The following IFT172 variants were observed in gnomAD, a reference collection of about 807,000 sequenced individuals.
IFT172 encodes intraflagellar transport 172.
Under a neutral mutation model 248.9 loss-of-function variants are expected in IFT172, and 164 were observed. The observed-to-expected ratio is 0.66, with a 90% CI of 0.58 to 0.75. The LOEUF is 0.75. Among genes scored for constraint, IFT172 ranks in the 30% least tolerant of loss-of-function variants. The probability of loss-of-function intolerance (pLI) is 0.00; values close to 1 mark genes in which losing one functional copy is unlikely to be tolerated. For missense variants in IFT172, 1,950 were observed against 2,192.4 expected, an observed-to-expected ratio of 0.89 and a Z score of 2.21; for synonymous variants, 729 against 791.6, an observed-to-expected ratio of 0.92 and a Z score of 1.33.
intron 14 of IFT172, among the ~76,000 whole-genome samples, chr2:27,475,128 AAT>A (rs1294476062): frequency 7.9e-5 from 12 of 152,268 alleles, no homozygotes; most frequent in Non-Finnish European, 1.5e-4. Context: ...ATATGAAATT[AAT>A]ATGAGATCTA....
Position 27,478,116 on chromosome 2 carries a change from A to T in IFT172, c.1046T>A (p.Leu349His), listed in dbSNP as rs775160257. Residue 349 changes from leucine (L) to histidine (H), a missense_variant, in exon 11 of 48, where the codon CTC becomes CAC. Transcript: ENST00000260570. ...KNLSSGTRVV[L>H]KSHYGYEVEE... Reference sequence around the variant, plus strand: ...CACCTCATAGCCATAGTGTGACTTGAGCACCACTCGGGTTCCTGATGACAG... The same window carrying T: ...CACCTCATAGCCATAGTGTGACTTGTGCACCACTCGGGTTCCTGATGACAG... 4.3e-6 allele frequency: 7 copies of T among 1,614,030 alleles called. No individual in the cohort carries two copies. The highest frequency in any genetic ancestry group is 5.9e-6 in the Non-Finnish European group (7 of 1,180,028).
intron 16 of IFT172, 152 bp from the exon 17 acceptor site, chr2:27,466,034 A>T (rs1371175641): frequency 2.4e-6 from 2 of 828,030 alleles, no homozygotes; most frequent in African/African-American, 3.4e-5. Context: ...TCTCAAGCAT[A>T]AAAAAATACT....
rs747711159 is a variant in IFT172 at position 27,458,132 on chromosome 2, G to A, written c.2969C>T (p.Ala990Val). 28 of 1,613,986 alleles carry A rather than the reference G, an allele frequency of 1.7e-5. No individual in the cohort carries two copies. Among genetic ancestry groups the A allele is most frequent in the Non-Finnish European group, 2.4e-5 (28 of 1,179,888 alleles). Residue 990 changes from alanine to valine, a missense_variant, in exon 27 of 48, where the codon GCT becomes GTT. Coordinates refer to ENST00000260570, the MANE Select transcript of IFT172 (RefSeq NM_015662.3). ...EMEKQGKYRE[A>V]ERLYVTVQEP... ...CTCTGGGGCCACGGCTCACCTTTCAGCCTCACGGTACTTGCCCTGCTTCTC... is the reference window on the plus strand; with the variant it reads ...CTCTGGGGCCACGGCTCACCTTTCAACCTCACGGTACTTGCCCTGCTTCTC...
rs116069722 is a variant in IFT172, at chr2:27,463,728, G to A, written c.1938-547C>T. On this transcript the variant is annotated intron_variant, in intron 18 of 47. Transcript: ENST00000260570. ...TGAACTGACATTTGAGCTGAGACCT[G>A]AATACAAGAAAAAGCCAGTCATGGC... Among the ~76,000 whole-genome samples the A allele has an allele frequency of 2.7e-3, 417 of 152,200 alleles. 1 individual carries two copies. The highest frequency in any genetic ancestry group is 9.6e-3 in the African/African-American group (399 of 41,524).
intron 16 of IFT172, among the ~76,000 whole-genome samples, chr2:27,470,213 C>T (rs1471498181): frequency 1.3e-5 from 2 of 150,980 alleles, no homozygotes; most frequent in Non-Finnish European, 2.9e-5. Context: ...CACTGCACTC[C>T]AGCCTGGGAG....
At chr2:27,471,527 G>A (rs973286886) in intron 15 of IFT172, among the ~76,000 whole-genome samples, 2 of 152,212 alleles carry the variant, frequency 1.3e-5, no homozygotes, top group Non-Finnish European at 2.9e-5. Context: ...AATGAGGGAC[G>A]AAGAGGCTGT....
intron 10 of IFT172, among the ~76,000 whole-genome samples, chr2:27,479,147 G>A (rs557458081): frequency 1.3e-5 from 2 of 152,168 alleles, no homozygotes; most frequent in East Asian, 3.9e-4. Context: ...TGGGACTACA[G>A]GCACCCGCCA....
At position 27,454,521 on chromosome 2, in the gene IFT172, A is replaced by C; in HGVS notation, c.3465+46T>G. On this transcript the variant is annotated intron_variant, in intron 31 of 47. Transcript: ENST00000260570. The surrounding 1 kb of genome is among the most constrained non-coding windows in gnomAD (Gnocchi z 4.2). ...ACACCCAGCAGCAGTGCACTAGGGGATGGAATAAGAGGGCTCTGCGGTCGG... is the reference window on the plus strand; with the variant it reads ...ACACCCAGCAGCAGTGCACTAGGGGCTGGAATAAGAGGGCTCTGCGGTCGG... 2 of 1,610,050 alleles carry C rather than the reference A, an allele frequency of 1.2e-6. No individual in the cohort carries two copies.
intron 16 of IFT172, 194 bp downstream of exon 16, chr2:27,470,734 G>A (rs1001670033): frequency 2.4e-5 from 12 of 501,940 alleles, no homozygotes; most frequent in Middle Eastern, 5.1e-4. Flanking sequence ...ATACTCCAAG[G>A]GTCTAATATA....
At chr2:27,455,692 C>T (rs546787557) in intron 30 of IFT172, 1 of 281,828 alleles carries the variant, frequency 3.5e-6, no homozygotes, top group Admixed American at 5.1e-5. Flanking sequence ...GCCTGGGCAA[C>T]AGAGCGAGAC....
At position 27,485,247 on chromosome 2, in the gene IFT172, A is replaced by C. The variant is rs1668673226; in HGVS notation, c.183+113T>G. Reference sequence around the variant, plus strand: ...GGGAGCTTGAGGATTTATACTGAGAAAAAGGTGGGGTATGCCATTTCCTAT... The same window carrying C: ...GGGAGCTTGAGGATTTATACTGAGACAAAGGTGGGGTATGCCATTTCCTAT... On this transcript the variant is annotated intron_variant, in intron 2 of 47. Transcript: ENST00000260570. The C allele has an allele frequency of 2.6e-6, 4 of 1,538,802 alleles. No homozygotes were observed. In the Admixed American group the frequency reaches 5.4e-5, roughly 21 times the overall value.
chr2:27,477,464 G>T (rs1668043319), intron 12 of IFT172, 95 bp downstream of exon 12: 2 of 1,213,588 alleles, frequency 1.6e-6, no homozygotes, highest in Non-Finnish European at 2.4e-6. Context: ...TTCTTTATCT[G>T]CTGTTTCCCT....
chr2:27,448,025 A>G, intron 40 of IFT172, 103 bp from the exon 41 acceptor site: 1 of 744,850 alleles, frequency 1.3e-6, no homozygotes, highest in South Asian at 1.5e-5. Context: ...GTGTGTAGAA[A>G]TGGGTATGTG....
chr2:27,456,898 A>T (rs1666208088), intron 29 of IFT172, among the ~76,000 whole-genome samples: 1 of 152,114 alleles, frequency 6.6e-6, no homozygotes, highest in Non-Finnish European at 1.5e-5. Flanking sequence ...TACAAAAATT[A>T]GCTGGGCACG....
intron 16 of IFT172, among the ~76,000 whole-genome samples, chr2:27,468,156 T>C (rs1667257737): frequency 1.0e-5 from 1 of 97,192 alleles, no homozygotes; most frequent in Non-Finnish European, 1.9e-5. Flanking sequence ...CAAGACTCTG[T>C]CTCAAAAAAA....
chr2:27,485,075 T>G lies in IFT172; in HGVS notation c.239A>C (p.Lys80Thr), dbSNP rs766853711. Residue 80 changes from lysine (K) to threonine (T), a missense_variant, in exon 3 of 48, where the codon AAA (lysine) becomes ACA (threonine). Lys to Thr is a moderately conservative substitution (Grantham distance 78, BLOSUM62 -1). This residue lies in a region of IFT172 where 1,166 missense variants were observed against 1,254.1 expected (regional missense o/e 0.93). Coordinates refer to ENST00000260570, the MANE Select transcript of IFT172 (RefSeq NM_015662.3). ...KGMAFSPDST[K>T]IAIGQTDNII... Reference sequence around the variant, plus strand: ...GTTGTCAGTCTGTCCTATGGCAATTTTAGTGGAATCAGGAGAAAAAGCCAT... The same window carrying G: ...GTTGTCAGTCTGTCCTATGGCAATTGTAGTGGAATCAGGAGAAAAAGCCAT... The G allele has an allele frequency of 2.5e-5, 41 of 1,611,782 alleles. No homozygotes were observed. The highest frequency in any genetic ancestry group is 3.4e-5 in the Non-Finnish European group (40 of 1,178,080).
chr2:27,484,327 C>A, intron 3 of IFT172, 61 bp from the exon 4 acceptor site: 1 of 1,581,052 alleles, frequency 6.3e-7, no homozygotes, highest in South Asian at 1.1e-5. Flanking sequence ...CGTGGTGGCT[C>A]ATGCCTGTAA....
intron 30 of IFT172, 146 bp downstream of exon 30, chr2:27,456,365 C>G: frequency 1.8e-6 from 2 of 1,085,056 alleles, no homozygotes; most frequent in Non-Finnish European, 2.6e-6. Context: ...GTTCTGAGCC[C>G]CTAGGGAATA....
At chr2:27,489,560 C>A in intron 1 of IFT172, 55 bp downstream of exon 1, 1 of 1,379,220 alleles carries the variant, frequency 7.3e-7, no homozygotes, top group Non-Finnish European at 1.0e-6. Context: ...TCAGTTCCCC[C>A]ACTTTTCTTG....
Sources: allele counts gnomAD v4.1 joint callset (sites outside exome capture counted in the v4.1 genomes callset), GRCh38; gene constraint gnomAD v4.1.1; regional missense constraint gnomAD v4.1.1; non-coding constraint Gnocchi (gnomAD v3.1); transcripts MANE v1.5; gene names NCBI Gene and HGNC (gene_info 2026-07-23, HGNC 2026-07-21).